Variants in DCDC1 observed in about 807,000 individuals in gnomAD.
DCDC1 encodes the protein doublecortin domain containing 1.
DCDC1 carries 200 observed loss-of-function variants against 178.3 expected under a neutral mutation model. That is an observed-to-expected ratio of 1.12 (90% confidence interval 1.00 to 1.26). The LOEUF is 1.26. Ranked by LOEUF, DCDC1 falls within the 50% of genes most tolerant of loss-of-function variation. The probability of loss-of-function intolerance (pLI) is 0.00; values close to 1 mark genes in which losing one functional copy is unlikely to be tolerated. For missense variants in DCDC1, 1,983 were observed against 1,749.2 expected, an observed-to-expected ratio of 1.13 and a Z score of -2.38; for synonymous variants, 690 against 604.8, an observed-to-expected ratio of 1.14 and a Z score of -2.07.
At chr11:31,012,023 T>G (rs1952201343) in intron 20 of DCDC1, among the ~76,000 whole-genome samples, 1 of 151,984 alleles carries the variant, frequency 6.6e-6, no homozygotes, top group African/African-American at 2.4e-5. Flanking sequence ...CTCACAAGAT[T>G]TGGTTGTTTA....
At chr11:31,353,265 G>C (rs1200058866) in intron 1 of DCDC1, among the ~76,000 whole-genome samples, 1 of 152,178 alleles carries the variant, frequency 6.6e-6, no homozygotes, top group African/African-American at 2.4e-5. Context: ...ATCCAAGTTG[G>C]TGCAAAGCAT....
intron 20 of DCDC1, among the ~76,000 whole-genome samples, chr11:30,988,722 A>G (rs942102098): frequency 5.3e-5 from 8 of 152,216 alleles, no homozygotes; most frequent in African/African-American, 1.9e-4. Flanking sequence ...TGATGAGAAA[A>G]AAAACGCAAA....
At chr11:31,027,125 A>G (rs1953294547) in intron 20 of DCDC1, among the ~76,000 whole-genome samples, 1 of 151,904 alleles carries the variant, frequency 6.6e-6, no homozygotes, top group East Asian at 1.9e-4. Flanking sequence ...TCAAATCTCT[A>G]TCCAACATGA....
intron 20 of DCDC1, among the ~76,000 whole-genome samples, chr11:30,955,856 C>A (rs374082797): frequency 6.6e-6 from 1 of 152,248 alleles, no homozygotes; most frequent in East Asian, 1.9e-4. Context: ...ATAAATAAAC[C>A]AACTCTGGTT....
At chr11:30,929,883 C>A (rs1946825775) in intron 22 of DCDC1, among the ~76,000 whole-genome samples, 1 of 151,996 alleles carries the variant, frequency 6.6e-6, no homozygotes, top group Admixed American at 6.6e-5. Context: ...AGAGTAATAA[C>A]CGACTAAGTA....
chr11:31,236,531 C>A (rs1206448635), intron 9 of DCDC1, among the ~76,000 whole-genome samples: 2 of 151,896 alleles, frequency 1.3e-5, no homozygotes, highest in Admixed American at 6.6e-5. Flanking sequence ...GACAAGAATG[C>A]AATTTTCACT....
intron 6 of DCDC1, among the ~76,000 whole-genome samples, chr11:31,297,234 G>A (rs938212034): frequency 6.6e-6 from 1 of 152,136 alleles, no homozygotes; most frequent in African/African-American, 2.4e-5. Context: ...GGGGTGAGTG[G>A]AGTGAGTAGC....
intron 21 of DCDC1, among the ~76,000 whole-genome samples, chr11:30,946,109 G>T (rs1020040745): frequency 2.0e-5 from 3 of 152,100 alleles, no homozygotes; most frequent in African/African-American, 7.2e-5. Flanking sequence ...TATACCATTG[G>T]GAAAGAGGTC....
intron 9 of DCDC1, among the ~76,000 whole-genome samples, chr11:31,193,278 C>G (rs1970328324): frequency 6.6e-6 from 1 of 152,144 alleles, no homozygotes; most frequent in Admixed American, 6.6e-5. Context: ...TTCTGTTTCT[C>G]TGGAGAACCC....
chr11:30,888,139 AAAGAAAGAAAGAAAGAAAGAAAGG>A, intron 36 of DCDC1, among the ~76,000 whole-genome samples: 2 of 147,434 alleles, frequency 1.4e-5, no homozygotes, highest in African/African-American at 5.2e-5. Context: ...AGAAAGAAAG[AAAGAAAGAAAGAAAGAAAGAAAGG>A]GAAAGAAAGA....
rs547362504 is a variant in DCDC1 at position 31,359,322 on chromosome 11, A to T, written c.-125+10375T>A. On this transcript the variant is annotated intron_variant, in intron 1 of 38. Coordinates refer to ENST00000684477, the MANE Select transcript of DCDC1 (RefSeq NM_001387274.1). ...AATTGGAAATCATCATTCTCGGTAA[A>T]CTATCGCAAGAACAAAAAACCAAAC... Among the ~76,000 whole-genome samples, 6 of 151,992 alleles carry T rather than the reference A, an allele frequency of 3.9e-5. No individual in the cohort carries two copies. The East Asian group carries it at 1.2e-3, about 30-fold the overall frequency.
chr11:31,069,650 C>A (rs2135514964), intron 18 of DCDC1, among the ~76,000 whole-genome samples: 1 of 152,220 alleles, frequency 6.6e-6, no homozygotes, highest in African/African-American at 2.4e-5. Flanking sequence ...ATTCCAAGAC[C>A]ATAAGTAACA....
At chr11:30,918,653 A>T (rs2134226833) in intron 25 of DCDC1, among the ~76,000 whole-genome samples, 1 of 152,264 alleles carries the variant, frequency 6.6e-6, no homozygotes, top group Non-Finnish European at 1.5e-5. Flanking sequence ...AGCAGAGAAA[A>T]GAACAAATGA....
chr11:31,163,718 T>A (rs1164979466), intron 9 of DCDC1, among the ~76,000 whole-genome samples: 1 of 152,174 alleles, frequency 6.6e-6, no homozygotes, highest in Non-Finnish European at 1.5e-5. Context: ...TATTTGTTAA[T>A]CTAGCTTATT....
At chr11:31,005,425 AC>A (rs34620161) in intron 20 of DCDC1, among the ~76,000 whole-genome samples, 1 of 152,132 alleles carries the variant, frequency 6.6e-6, no homozygotes, top group South Asian at 2.1e-4. Context: ...ACAGAGCTCT[AC>A]CCACCTGTCA....
At chr11:31,208,519 C>T (rs77129730) in intron 9 of DCDC1, among the ~76,000 whole-genome samples, 1 of 152,192 alleles carries the variant, frequency 6.6e-6, no homozygotes, top group Non-Finnish European at 1.5e-5. Flanking sequence ...TCCTACAATG[C>T]CTCCTCCACA....
At chr11:31,257,926 TC>T (rs1944524746) in intron 8 of DCDC1, among the ~76,000 whole-genome samples, 1 of 152,062 alleles carries the variant, frequency 6.6e-6, no homozygotes, top group Non-Finnish European at 1.5e-5. Flanking sequence ...CTGAGAACAA[TC>T]CCCTAGAGGA....
At chr11:31,232,604 G>GC (rs1975921204) in intron 9 of DCDC1, among the ~76,000 whole-genome samples, 1 of 152,016 alleles carries the variant, frequency 6.6e-6, no homozygotes, top group African/African-American at 2.4e-5. Context: ...TTCAAACTCT[G>GC]CCCATACTTC....
intron 15 of DCDC1, among the ~76,000 whole-genome samples, chr11:31,099,663 G>A (rs772369325): frequency 6.6e-6 from 1 of 151,820 alleles, no homozygotes; most frequent in African/African-American, 2.4e-5. Flanking sequence ...TCATGAAGCA[G>A]TCACAAATCA....
Sources: gnomAD v4.1 joint callset for allele counts (sites outside exome capture counted in the v4.1 genomes callset) on GRCh38, gnomAD v4.1.1 for gene constraint, MANE v1.5 for transcripts, NCBI Gene and HGNC (gene_info 2026-07-23, HGNC 2026-07-21) for gene names.